The following TMEM17 variants were observed in gnomAD, a reference collection of about 807,000 sequenced individuals.
TMEM17 encodes transmembrane protein 17.
TMEM17 carries 15 observed loss-of-function variants against 19.1 expected under a neutral mutation model. That is an observed-to-expected ratio of 0.78 (90% CI 0.52 to 1.21). The LOEUF is 1.21. Ranked by LOEUF, TMEM17 falls within the 50% of genes most tolerant of loss-of-function variation. The pLI, the probability that TMEM17 is intolerant of heterozygous loss-of-function variation, is 0.00. For synonymous variants in TMEM17, 103 were observed against 86.9 expected (o/e 1.19, Z -1.03); for missense variants, 245 against 242.3 (o/e 1.01, Z -0.07).
chr2:62,469,015 C>G, the TMEM17 span, among the ~76,000 whole-genome samples: 6 of 152,346 alleles, frequency 3.9e-5, no homozygotes, highest in African/African-American at 1.4e-4. Flanking sequence ...CTCTTTTACC[C>G]TCTGTCATTG....
Position 62,500,841 on chromosome 2 carries a change from A to C in TMEM17, c.*368T>G, listed in dbSNP as rs556509611. On this transcript the variant is annotated 3_prime_UTR_variant, in exon 4 of 4. Transcript: ENST00000335390. ...AAACATGGTCATATGTACAGACAAG[A>C]CATGGATAACCAACAAGTTTTAAAG... 89 of 173,052 alleles carry C rather than the reference A, an allele frequency of 5.1e-4. No homozygotes were observed. The highest frequency in any genetic ancestry group is 9.3e-4 in the Non-Finnish European group (76 of 81,318). 10.7% of individuals were successfully genotyped at this position (173,052 alleles called of 1,614,324 possible).
chr2:62,453,802 C>G, the TMEM17 span, among the ~76,000 whole-genome samples: 1 of 152,172 alleles, frequency 6.6e-6, no homozygotes, highest in Non-Finnish European at 1.5e-5. Flanking sequence ...TGGTTCTCAC[C>G]CACGGTTTGC....
At chr2:62,479,498 A>G in the TMEM17 span, among the ~76,000 whole-genome samples, 35 of 152,198 alleles carry the variant, frequency 2.3e-4, no homozygotes, top group Admixed American at 3.9e-4. Context: ...GGTTGATTCC[A>G]TATCTTCATA....
the TMEM17 span, among the ~76,000 whole-genome samples, chr2:62,474,764 G>T: frequency 6.6e-6 from 1 of 152,026 alleles, no homozygotes; most frequent in Admixed American, 6.6e-5. Context: ...CATATCCCCA[G>T]TCCCAGTTAA....
the TMEM17 span, among the ~76,000 whole-genome samples, chr2:62,483,362 C>G: frequency 6.6e-6 from 1 of 152,080 alleles, no homozygotes; most frequent in Non-Finnish European, 1.5e-5. Flanking sequence ...AGGTCAAGAG[C>G]GAAGGCTTTG....
chr2:62,460,930 C>T, the TMEM17 span, among the ~76,000 whole-genome samples: 1 of 152,146 alleles, frequency 6.6e-6, no homozygotes, highest in Non-Finnish European at 1.5e-5. Flanking sequence ...AAATGGCTGG[C>T]TAACAAGGTT....
At chr2:62,504,688 A>G (rs1301151157) in intron 1 of TMEM17, among the ~76,000 whole-genome samples, 2 of 152,248 alleles carry the variant, frequency 1.3e-5, no homozygotes, top group African/African-American at 2.4e-5. Flanking sequence ...AAAACATACA[A>G]TATAAATCAG....
chr2:62,477,872 G>A, the TMEM17 span, among the ~76,000 whole-genome samples: 5 of 152,170 alleles, frequency 3.3e-5, no homozygotes, highest in Admixed American at 3.3e-4. Context: ...CTACCTTGAG[G>A]GGCCGCCTGA....
chr2:62,471,618 G>A, the TMEM17 span, among the ~76,000 whole-genome samples: 1 of 152,248 alleles, frequency 6.6e-6, no homozygotes, highest in African/African-American at 2.4e-5. Context: ...CTGGAATTCA[G>A]CAGGTGCTCA....
Position 62,501,382 on chromosome 2 carries a change from C to A in TMEM17, c.424G>T (p.Ala142Ser), listed in dbSNP as rs747371433. The A allele has an allele frequency of 6.2e-7, 1 of 1,614,144 alleles. No individual in the cohort carries two copies. The highest frequency in any genetic ancestry group is 8.5e-7 in the Non-Finnish European group (1 of 1,180,022). The change falls in exon 4 of 4, where the codon GCG (alanine) becomes TCG (serine). Residue 142 changes from alanine (A) to serine (S), a missense_variant. Physicochemically the swap from Ala to Ser is moderately conservative, Grantham distance 99. Transcript: ENST00000335390. ...AAGAGAGTGAAGATGATATGTATCG[C>A]TTTTTCCAAGGGCAGATTTGTTAGG... Reference protein sequence around the residue: ...EGLTNLPLEKAIHIIFTLFLA... With the variant: ...EGLTNLPLEKSIHIIFTLFLA...
At chr2:62,497,435 G>A (rs1012976564), downstream of TMEM17, among the ~76,000 whole-genome samples, 1 of 152,194 alleles carries the variant, frequency 6.6e-6, no homozygotes, top group African/African-American at 2.4e-5. Context: ...TTCTTCTCAT[G>A]TACCCTTCCC....
chr2:62,482,040 C>T, the TMEM17 span, among the ~76,000 whole-genome samples: 1 of 152,138 alleles, frequency 6.6e-6, no homozygotes, highest in Non-Finnish European at 1.5e-5. Context: ...GAAGAAGGAT[C>T]CAGGGGAAGG....
intron 1 of TMEM17, among the ~76,000 whole-genome samples, chr2:62,505,778 G>T (rs936088175): frequency 6.6e-6 from 1 of 152,156 alleles, no homozygotes; most frequent in Non-Finnish European, 1.5e-5. Flanking sequence ...TCGGCCCCAC[G>T]TCAGCTGCCG....
At chr2:62,475,276 G>T in the TMEM17 span, among the ~76,000 whole-genome samples, 1 of 152,348 alleles carries the variant, frequency 6.6e-6, no homozygotes, top group South Asian at 2.1e-4. Flanking sequence ...CCTCTGAGCC[G>T]CACCACAGGC....
At chr2:62,504,388 C>T (rs1272653780) in intron 1 of TMEM17, among the ~76,000 whole-genome samples, 2 of 152,156 alleles carry the variant, frequency 1.3e-5, no homozygotes, top group Non-Finnish European at 1.5e-5. Context: ...AACCTACTTC[C>T]AATCCACAAA....
chr2:62,454,547 T>C, the TMEM17 span, among the ~76,000 whole-genome samples: 1 of 152,182 alleles, frequency 6.6e-6, no homozygotes, highest in African/African-American at 2.4e-5. Flanking sequence ...CCAGGTGTGG[T>C]CTGTCACCAG....
chr2:62,459,803 C>T, the TMEM17 span, among the ~76,000 whole-genome samples: 1 of 152,022 alleles, frequency 6.6e-6, no homozygotes, highest in Admixed American at 6.5e-5. Flanking sequence ...GCTATGTTGC[C>T]CAGGCTGGAG....
chr2:62,455,079 AC>A, the TMEM17 span, among the ~76,000 whole-genome samples: 2 of 152,166 alleles, frequency 1.3e-5, no homozygotes, highest in Non-Finnish European at 2.9e-5. Flanking sequence ...TCACAATCCA[AC>A]CTTAAAATGC....
chr2:62,506,015 G>A lies in TMEM17; in HGVS notation c.100+15C>T. ...CGGCAGGCCACACCCCCTGCACCGG[G>A]CCTCGGTCACTCACCCGGACCCTCA... On this transcript the variant is annotated intron_variant, in intron 1 of 3. Transcript: ENST00000335390. 3 of 1,601,390 alleles carry A rather than the reference G, an allele frequency of 1.9e-6. No individual in the cohort carries two copies. The highest frequency in any genetic ancestry group is 2.6e-6 in the Non-Finnish European group (3 of 1,173,278).
Sources: allele counts gnomAD v4.1 joint callset (sites outside exome capture counted in the v4.1 genomes callset), GRCh38; gene constraint gnomAD v4.1.1; transcripts MANE v1.5; gene names NCBI Gene and HGNC (gene_info 2026-07-23, HGNC 2026-07-21).